ZWILCH: variants seen among roughly 807,000 people sequenced by gnomAD.
The protein encoded by ZWILCH is protein zwilch homolog.
In ZWILCH, 74 loss-of-function variants were observed where a neutral mutation model predicts 79.9. The ratio of observed to expected loss-of-function variants is 0.93; its 90% CI spans 0.77 to 1.12. The LOEUF (loss-of-function observed/expected upper bound fraction) is 1.12. Ranked by LOEUF, ZWILCH falls within the 50% of genes most tolerant of loss-of-function variation. The pLI, the probability that ZWILCH is intolerant of heterozygous loss-of-function variation, is 0.00. For missense variants in ZWILCH, 694 were observed against 687.5 expected (o/e 1.01, Z -0.11); for synonymous variants, 241 against 228.2 (o/e 1.06, Z -0.51).
At chr15:66,522,996 T>C (rs1475725518) in intron 7 of ZWILCH, among the ~76,000 whole-genome samples, 1 of 152,134 alleles carries the variant, frequency 6.6e-6, no homozygotes, top group Non-Finnish European at 1.5e-5. Context: ...CTAATTTTTG[T>C]AAGTTTAGTA....
intron 5 of ZWILCH, 108 bp from the exon 6 acceptor site, chr15:66,520,482 A>G: frequency 6.0e-6 from 4 of 669,814 alleles, no homozygotes; most frequent in Non-Finnish European, 2.7e-6. Context: ...TTTAACAGTT[A>G]TTTTGTTGAG....
chr15:66,526,929 A>G (rs934748210), intron 8 of ZWILCH, among the ~76,000 whole-genome samples: 5 of 152,160 alleles, frequency 3.3e-5, no homozygotes, highest in Non-Finnish European at 5.9e-5. Context: ...GGGCAAACCC[A>G]GTATCCTCAG....
In ZWILCH at chr15:66,550,040, C is replaced by A. The variant is rs200340415; in HGVS notation, c.*1716C>A. On this transcript the variant is annotated 3_prime_UTR_variant, in exon 19 of 19. Transcript: ENST00000307897. ...GAAAACATTGAAATATACTGACTCA[C>A]CTGCAGCAAGCATCTGATTGTTGAT... The A allele has an allele frequency of 2.5e-6, 4 of 1,595,960 alleles. No individual in the cohort carries two copies. The South Asian group carries it at 3.4e-5, about 14-fold the overall frequency.
At chr15:66,537,389 C>T in intron 16 of ZWILCH, 126 bp downstream of exon 16, 1 of 589,850 alleles carries the variant, frequency 1.7e-6, no homozygotes, top group South Asian at 2.0e-5. Context: ...GAGACCCTGT[C>T]TCTATTAAAA....
chr15:66,546,460 C>A (rs539149595), intron 17 of ZWILCH, 131 bp from the exon 18 acceptor site: 135 of 422,770 alleles, frequency 3.2e-4, no homozygotes, highest in African/African-American at 2.3e-3. Flanking sequence ...CCAATGAATT[C>A]TCTTAAAGTA....
At chr15:66,520,081 T>C (rs1894438950) in intron 5 of ZWILCH, among the ~76,000 whole-genome samples, 1 of 151,564 alleles carries the variant, frequency 6.6e-6, no homozygotes, top group South Asian at 2.1e-4. Flanking sequence ...TAGCTGGCAT[T>C]ACAGGCAAGT....
At chr15:66,518,501 A>G (rs1894372066) in intron 4 of ZWILCH, among the ~76,000 whole-genome samples, 1 of 151,810 alleles carries the variant, frequency 6.6e-6, no homozygotes, top group African/African-American at 2.4e-5. Flanking sequence ...AGGATGGAAG[A>G]CCCCTCATAT....
intron 1 of ZWILCH, 27 bp from the exon 2 acceptor site, chr15:66,508,814 T>C (rs1893920889): frequency 6.2e-7 from 1 of 1,613,598 alleles, no homozygotes; most frequent in Non-Finnish European, 8.5e-7. Flanking sequence ...TGTAGTTCTG[T>C]TTTTCACATG....
At chr15:66,522,585 G>A (rs897681981) in intron 7 of ZWILCH, among the ~76,000 whole-genome samples, 1 of 151,836 alleles carries the variant, frequency 6.6e-6, no homozygotes, top group Non-Finnish European at 1.5e-5. Context: ...TGGGATTACA[G>A]GCATGAGCCA....
Position 66,548,412 on chromosome 15 carries a change from T to C in ZWILCH, c.*88T>C, listed in dbSNP as rs1895461756. On this transcript the variant is annotated 3_prime_UTR_variant, in exon 19 of 19. Transcript: ENST00000307897. ...ATTGTAGAACCTGAAAACAGCAATG[T>C]ATGGAAACCCTCAAAGCAGAAAAGG... 4 of 661,600 alleles carry C rather than the reference T, an allele frequency of 6.0e-6. No homozygotes were observed. The highest frequency in any genetic ancestry group is 2.7e-4 in the Middle Eastern group (1 of 3,744). The allele number at this position is 661,600 out of a possible 1,614,324, so 41.0% of individuals were successfully genotyped here. A position where few individuals can be genotyped will look rare whatever the true frequency, so the allele number is the denominator to read the frequency against.
At chr15:66,527,563 T>A (rs548311222) in intron 9 of ZWILCH, among the ~76,000 whole-genome samples, 180 bp downstream of exon 9, 3 of 152,294 alleles carry the variant, frequency 2.0e-5, no homozygotes, top group African/African-American at 7.2e-5. Flanking sequence ...ATCCTAAGAA[T>A]TAATAAGATT....
At chr15:66,539,964 G>A (rs1388603848) in intron 16 of ZWILCH, 134 bp from the exon 17 acceptor site, 4 of 547,202 alleles carry the variant, frequency 7.3e-6, no homozygotes, top group Non-Finnish European at 1.3e-5. Context: ...CACCTCAAGG[G>A]CGGGAATTGT....
chr15:66,522,119 AC>A (rs1482729067), intron 7 of ZWILCH, among the ~76,000 whole-genome samples: 1 of 151,492 alleles, frequency 6.6e-6, no homozygotes, highest in Non-Finnish European at 1.5e-5. Context: ...AATCGCTTGA[AC>A]CCGGGAGGCA....
At chr15:66,523,375 TC>T (rs775555663) in intron 7 of ZWILCH, 9 of 250,936 alleles carry the variant, frequency 3.6e-5, no homozygotes, top group African/African-American at 6.6e-5. Context: ...TACCTTGTCC[TC>T]CTGGAAATTC....
intron 7 of ZWILCH, 115 bp from the exon 8 acceptor site, chr15:66,523,562 C>A: frequency 1.5e-6 from 1 of 655,678 alleles, no homozygotes; most frequent in South Asian, 2.5e-5. Context: ...TTCATTGGTC[C>A]TTTATGAAAT....
chr15:66,525,642 A>G (rs1223742095), intron 8 of ZWILCH, among the ~76,000 whole-genome samples: 1 of 152,062 alleles, frequency 6.6e-6, no homozygotes, highest in East Asian at 1.9e-4. Flanking sequence ...GTGATTTGGG[A>G]CCATGGTACA....
In ZWILCH at chr15:66,546,740, T is replaced by C. The variant is rs539273027; in HGVS notation, c.*26+35T>C. ...TTCACATTTTAGTCTCTTTGTCAAA[T>C]ACTTTGTAATAAGTACCTTACGTTT... On this transcript the variant is annotated intron_variant, in intron 18 of 18. Coordinates refer to ENST00000307897, the MANE Select transcript of ZWILCH (RefSeq NM_017975.5). 56 of 1,199,792 alleles carry C rather than the reference T, an allele frequency of 4.7e-5. 1 individual carries two copies. In the African/African-American group the frequency reaches 7.6e-4, roughly 16 times the overall value. 74.3% of individuals were successfully genotyped at this position (1,199,792 alleles called of 1,614,324 possible).
chr15:66,535,344 C>A (rs966707358), intron 14 of ZWILCH, among the ~76,000 whole-genome samples: 3 of 152,202 alleles, frequency 2.0e-5, no homozygotes, highest in African/African-American at 7.2e-5. Context: ...AAAGTCACTA[C>A]TGGCGAGAGG....
At chr15:66,508,954 T>C in intron 2 of ZWILCH, 62 bp downstream of exon 2, 3 of 1,566,116 alleles carry the variant, frequency 1.9e-6, no homozygotes, top group Non-Finnish European at 2.6e-6. Flanking sequence ...TTTATTTTTA[T>C]TTTGAGACGG....
Sources: gnomAD v4.1 joint callset for allele counts (sites outside exome capture counted in the v4.1 genomes callset) on GRCh38, gnomAD v4.1.1 for gene constraint, MANE v1.5 for transcripts, NCBI Gene and HGNC (gene_info 2026-07-23, HGNC 2026-07-21) for gene names.